Variants in CIMIP1 observed in about 807,000 individuals in gnomAD.
The protein encoded by CIMIP1 is low in lung cancer 1.
At chr20:58,154,107 G>T in the CIMIP1 span, among the ~76,000 whole-genome samples, 134 of 152,362 alleles carry the variant, frequency 8.8e-4, 3 homozygotes, top group Non-Finnish European at 2.8e-4. Flanking sequence ...GAGGCCAAGT[G>T]ACATATGAGG....
chr20:58,151,095 G>A, the CIMIP1 span: 2 of 1,457,000 alleles, frequency 1.4e-6, no homozygotes, highest in Non-Finnish European at 1.9e-6. Context: ...CCACATCTGG[G>A]GTCTCAGTTT....
the CIMIP1 span, among the ~76,000 whole-genome samples, chr20:58,151,206 G>C: frequency 6.6e-6 from 1 of 152,186 alleles, no homozygotes; most frequent in Non-Finnish European, 1.5e-5. Context: ...CAATGTTAGG[G>C]ACATGAGAGC....
At chr20:58,157,429 A>G in the CIMIP1 span, among the ~76,000 whole-genome samples, 2 of 152,234 alleles carry the variant, frequency 1.3e-5, no homozygotes, top group African/African-American at 4.8e-5. Context: ...ATGTATGTTC[A>G]TGTATACGTA....
At chr20:58,160,721 G>T in the CIMIP1 span, 1 of 1,614,178 alleles carries the variant, frequency 6.2e-7, no homozygotes, top group Non-Finnish European at 8.5e-7. Context: ...GAGATCTGCA[G>T]TGCCAGGCCT....
the CIMIP1 span, among the ~76,000 whole-genome samples, chr20:58,156,469 G>A: frequency 6.6e-6 from 1 of 152,054 alleles, no homozygotes; most frequent in Non-Finnish European, 1.5e-5. Flanking sequence ...AGGAGAAGGT[G>A]TGGGTGGAGA....
chr20:58,156,926 G>A, the CIMIP1 span, among the ~76,000 whole-genome samples: 2 of 152,154 alleles, frequency 1.3e-5, no homozygotes, highest in Admixed American at 1.3e-4. Flanking sequence ...GTCTGATGGG[G>A]TAGCTGGCAC....
the CIMIP1 span, among the ~76,000 whole-genome samples, chr20:58,157,395 A>C: frequency 0.011 from 1,667 of 152,294 alleles, 17 homozygotes; most frequent in Middle Eastern, 0.037. Context: ...CTGCTTTTAA[A>C]TGTTACCCTC....
At chr20:58,159,318 C>A in the CIMIP1 span, among the ~76,000 whole-genome samples, 2 of 150,184 alleles carry the variant, frequency 1.3e-5, no homozygotes, top group Non-Finnish European at 2.9e-5. Flanking sequence ...GAGTTCGAGA[C>A]CAGCCTGACC....
At chr20:58,151,262 C>T in the CIMIP1 span, among the ~76,000 whole-genome samples, 1 of 152,056 alleles carries the variant, frequency 6.6e-6, no homozygotes, top group African/African-American at 2.4e-5. Flanking sequence ...CCTGTTGGGC[C>T]CACCACGAAG....
the CIMIP1 span, among the ~76,000 whole-genome samples, chr20:58,160,014 G>A: frequency 5.9e-5 from 9 of 152,146 alleles, no homozygotes; most frequent in African/African-American, 1.2e-4. Flanking sequence ...CAAATGTCCC[G>A]CACTGTTGCC....
chr20:58,156,428 G>A, the CIMIP1 span, among the ~76,000 whole-genome samples: 24 of 152,218 alleles, frequency 1.6e-4, no homozygotes, highest in South Asian at 8.3e-4. Context: ...AAGGCGATGC[G>A]ACAGGAGCTT....
the CIMIP1 span, among the ~76,000 whole-genome samples, chr20:58,156,061 C>T: frequency 6.6e-6 from 1 of 152,288 alleles, no homozygotes; most frequent in Non-Finnish European, 1.5e-5. Flanking sequence ...GGCTGCCCAG[C>T]ATGTTTAGAG....
chr20:58,155,713 G>C, the CIMIP1 span: 1 of 659,926 alleles, frequency 1.5e-6, no homozygotes, highest in Admixed American at 3.0e-5. Context: ...CAGAGTCCAG[G>C]TCCACGTCCT....
the CIMIP1 span, among the ~76,000 whole-genome samples, chr20:58,156,349 C>T: frequency 8.6e-5 from 13 of 152,030 alleles, no homozygotes; most frequent in South Asian, 8.3e-4. Context: ...GTATTCTAGG[C>T]GCAGGGAACA....
chr20:58,150,923 C>A, the CIMIP1 span: 1 of 1,573,638 alleles, frequency 6.4e-7, no homozygotes, highest in Non-Finnish European at 8.6e-7. Context: ...GACGCTGAGC[C>A]CAGGGCCAGA....
At chr20:58,158,516 G>A in the CIMIP1 span, among the ~76,000 whole-genome samples, 75,783 of 151,912 alleles carry the variant, frequency 0.5, 20,370 homozygotes, top group East Asian at 0.96. Flanking sequence ...CAGGCATGGC[G>A]GTGGGTGCCT....
the CIMIP1 span, among the ~76,000 whole-genome samples, chr20:58,157,776 T>G: frequency 6.6e-6 from 1 of 152,148 alleles, no homozygotes; most frequent in African/African-American, 2.4e-5. Flanking sequence ...CCTACAAAGG[T>G]GATTGTTCAG....
the CIMIP1 span, among the ~76,000 whole-genome samples, chr20:58,157,844 C>T: frequency 3.3e-5 from 5 of 152,174 alleles, no homozygotes; most frequent in African/African-American, 1.2e-4. Flanking sequence ...CTGGGCTGGC[C>T]GGAGAATAGA....
At chr20:58,152,589 G>A in the CIMIP1 span, among the ~76,000 whole-genome samples, 3 of 151,976 alleles carry the variant, frequency 2.0e-5, no homozygotes, top group African/African-American at 4.8e-5. Context: ...AGGCATGGTG[G>A]CACACACCTG....
Sources: allele counts gnomAD v4.1 joint callset (sites outside exome capture counted in the v4.1 genomes callset), GRCh38; gene constraint gnomAD v4.1.1; transcripts MANE v1.5; gene names NCBI Gene and HGNC (gene_info 2026-07-23, HGNC 2026-07-21).